Variants in DDX60 observed in about 807,000 individuals in gnomAD.
DDX60 encodes DExD/H-box helicase 60.
In DDX60, 165 loss-of-function variants were observed where a neutral mutation model predicts 212.8. That is an observed-to-expected ratio of 0.78 (90% CI 0.68 to 0.88). The LOEUF is 0.88. Ranked by LOEUF, DDX60 falls within the 40% of genes least tolerant of loss-of-function variation. The probability of loss-of-function intolerance (pLI) is 0.00; values close to 1 mark genes in which losing one functional copy is unlikely to be tolerated. For missense variants in DDX60, 1,905 were observed against 2,003.9 expected (o/e 0.95, Z 0.94); for synonymous variants, 703 against 685.3 (o/e 1.03, Z -0.40).
chr4:168,235,075 C>G (rs1176641942), intron 33 of DDX60, among the ~76,000 whole-genome samples: 1 of 152,106 alleles, frequency 6.6e-6, no homozygotes, highest in Admixed American at 6.6e-5. Flanking sequence ...TCGAAAATGT[C>G]TTGAGGGGGA....
chr4:168,237,431 A>T lies in DDX60; in HGVS notation c.4270-4T>A. On this transcript the variant is annotated splice_polypyrimidine_tract_variant and splice_region_variant and intron_variant, in intron 31 of 37. Coordinates refer to ENST00000393743, the MANE Select transcript of DDX60 (RefSeq NM_017631.6). ...TACCTTCTTGATCTAAATAGCCCTA[A>T]AGAACAAAAAACAATTTATTAGTTT... The T allele has an allele frequency of 6.4e-7, 1 of 1,554,928 alleles. No homozygotes were observed. Among genetic ancestry groups the T allele is most frequent in the Non-Finnish European group, 8.6e-7 (1 of 1,156,560 alleles).
At position 168,235,452 on chromosome 4, in the gene DDX60, A is replaced by C. The variant is rs555711784; in HGVS notation, c.4533+800T>G. 1.2e-4 allele frequency among the ~76,000 whole-genome samples: 19 copies of C among 152,254 alleles called. No individual in the cohort carries two copies. The East Asian group carries it at 3.7e-3, about 29-fold the overall frequency. ...TTAAATATAAATTTATATAAACAGA[A>C]CAATTAAATAATTGTTTCAAAAATG... On this transcript the variant is annotated intron_variant, in intron 33 of 37. Transcript: ENST00000393743.
rs1735212911 is a variant in DDX60 at position 168,273,926 on chromosome 4, A to C, written c.2454+8T>G. ...TGAAAGAGAATATTATAGTCACTTGAGCACTACCTTTGTGGGTGCAACGTA... is the reference window on the plus strand; with the variant it reads ...TGAAAGAGAATATTATAGTCACTTGCGCACTACCTTTGTGGGTGCAACGTA... On this transcript the variant is annotated splice_region_variant and intron_variant, in intron 17 of 37. Coordinates refer to ENST00000393743, the MANE Select transcript of DDX60 (RefSeq NM_017631.6). 1 of 1,612,390 alleles carries C rather than the reference A, an allele frequency of 6.2e-7. No individual in the cohort carries two copies. Among genetic ancestry groups the C allele is most frequent in the East Asian group, 2.2e-5 (1 of 44,878 alleles).
At chr4:168,245,986 C>T (rs1246739207) in intron 30 of DDX60, among the ~76,000 whole-genome samples, 1 of 152,076 alleles carries the variant, frequency 6.6e-6, no homozygotes, top group Admixed American at 6.6e-5. Context: ...CAACGTTCTA[C>T]ATTTCCCACA....
chr4:168,257,633 T>G (rs1673462483), intron 25 of DDX60, among the ~76,000 whole-genome samples: 1 of 152,180 alleles, frequency 6.6e-6, no homozygotes, highest in African/African-American at 2.4e-5. Context: ...GCACTTCATT[T>G]TTAAAAAACT....
In DDX60 at chr4:168,287,522, C is replaced by T. The variant is rs1735912692; in HGVS notation, c.1184-319G>A. On this transcript the variant is annotated intron_variant, in intron 9 of 37. Transcript: ENST00000393743. Reference sequence around the variant, plus strand: ...ATGCCACACATAACTTTACAACAAACAAAACAGAATAAAAACTTTAGTTTT... The same window carrying T: ...ATGCCACACATAACTTTACAACAAATAAAACAGAATAAAAACTTTAGTTTT... Among the ~76,000 whole-genome samples the T allele has an allele frequency of 1.3e-5, 2 of 152,044 alleles. 1 individual carries two copies. The highest frequency in any genetic ancestry group is 1.3e-4 in the Admixed American group (2 of 15,264).
At chr4:168,220,601 A>T in intron 37 of DDX60, 54 bp downstream of exon 37, 1 of 1,055,480 alleles carries the variant, frequency 9.5e-7, no homozygotes, top group Non-Finnish European at 1.3e-6. Flanking sequence ...CATTTTTCAA[A>T]TTATAAATAA....
At chr4:168,290,329 T>C (rs1736034039) in intron 8 of DDX60, among the ~76,000 whole-genome samples, 1 of 59,956 alleles carries the variant, frequency 1.7e-5, no homozygotes, top group Non-Finnish European at 3.1e-5. Flanking sequence ...TTTTCTTTTC[T>C]TTTTTTTTTT....
chr4:168,224,907 G>A (rs1417661023), intron 34 of DDX60, among the ~76,000 whole-genome samples: 2 of 151,878 alleles, frequency 1.3e-5, no homozygotes, highest in East Asian at 1.9e-4. Context: ...ACCTGTGATG[G>A]TCACCTTTTT....
At position 168,311,269 on chromosome 4, in the gene DDX60, T is replaced by G. The variant is rs762146862; in HGVS notation, c.-10A>C. The G allele has an allele frequency of 3.1e-6, 5 of 1,612,610 alleles. No homozygotes were observed. In the East Asian group the frequency reaches 1.1e-4, roughly 36 times the overall value. On this transcript the variant is annotated 5_prime_UTR_variant, in exon 2 of 38. Coordinates refer to ENST00000393743, the MANE Select transcript of DDX60 (RefSeq NM_017631.6). ...GTGGAAAATTACCCATTCTTGCTGCTGCCTGTGCCTCCAACCTGAACTGGC... is the reference window on the plus strand; with the variant it reads ...GTGGAAAATTACCCATTCTTGCTGCGGCCTGTGCCTCCAACCTGAACTGGC...
chr4:168,233,987 A>G (rs1733545892), intron 33 of DDX60, among the ~76,000 whole-genome samples: 1 of 152,134 alleles, frequency 6.6e-6, no homozygotes. Flanking sequence ...ATATGTATAT[A>G]TCAATGATTG....
At chr4:168,294,799 G>A (rs1736270180) in intron 6 of DDX60, among the ~76,000 whole-genome samples, 1 of 152,062 alleles carries the variant, frequency 6.6e-6, no homozygotes, top group African/African-American at 2.4e-5. Context: ...ACCGCGCCCA[G>A]CCAAACTATA....
At chr4:168,262,612 A>G in intron 23 of DDX60, 71 bp downstream of exon 23, 1 of 1,011,076 alleles carries the variant, frequency 9.9e-7, no homozygotes, top group African/African-American at 1.7e-5. Context: ...GATGCCAGTG[A>G]TTAGAAAGGG....
intron 19 of DDX60, among the ~76,000 whole-genome samples, chr4:168,269,635 A>G (rs1469442041): frequency 1.3e-5 from 2 of 152,098 alleles, no homozygotes; most frequent in Non-Finnish European, 2.9e-5. Flanking sequence ...AACTATATCA[A>G]GTCATGTCAC....
intron 15 of DDX60, 130 bp from the exon 16 acceptor site, chr4:168,275,633 A>C: frequency 1.3e-6 from 1 of 791,052 alleles, no homozygotes; most frequent in Non-Finnish European, 1.8e-6. Flanking sequence ...TAAATTTTTT[A>C]AATCATTGTC....
Position 168,225,568 on chromosome 4 carries a change from C to G in DDX60, c.4642G>C (p.Asp1548His). 1 of 1,610,864 alleles carries G rather than the reference C, an allele frequency of 6.2e-7. No homozygotes were observed. Among genetic ancestry groups the G allele is most frequent in the East Asian group, 2.2e-5 (1 of 44,588 alleles). ...TFLRIVSKLADMNQEYQLPLS... is the reference protein window; with the variant it reads ...TFLRIVSKLAHMNQEYQLPLS... ...GGGAGTTGATATTCCTGATTCATAT[C>G]AGCCAGTTTGGAAACAATTCGTAGG... Residue 1548 changes from aspartate (D) to histidine (H), a missense_variant, in exon 34 of 38, where the codon GAT becomes CAT. Coordinates refer to ENST00000393743, the MANE Select transcript of DDX60 (RefSeq NM_017631.6).
In DDX60 at chr4:168,260,986, T is replaced by C. The variant is rs374484826; in HGVS notation, c.3277A>G (p.Arg1093Gly). 6.2e-6 allele frequency: 10 copies of C among 1,606,286 alleles called. No homozygotes were observed. Among genetic ancestry groups the C allele is most frequent in the Non-Finnish European group, 8.5e-6 (10 of 1,178,048 alleles). Residue 1093 changes from arginine (R) to glycine (G), a missense_variant, in exon 25 of 38, where the codon AGA (arginine) becomes GGA (glycine). By Grantham distance (125) the Arg-to-Gly change is moderately radical (BLOSUM62 -2). Coordinates refer to ENST00000393743, the MANE Select transcript of DDX60 (RefSeq NM_017631.6). Reference sequence around the variant, plus strand: ...GGACTAAGATTCTGAAGTACCATTCTGGCCTGTAGTGGTGAATACAAAACA... The same window carrying C: ...GGACTAAGATTCTGAAGTACCATTCCGGCCTGTAGTGGTGAATACAAAACA... ...WIKNGNVEQARMVLQNLSPEA... is the reference protein window; with the variant it reads ...WIKNGNVEQAGMVLQNLSPEA...
chr4:168,264,913 T>C (rs1734777246), intron 22 of DDX60, among the ~76,000 whole-genome samples: 1 of 152,220 alleles, frequency 6.6e-6, no homozygotes, highest in Admixed American at 6.5e-5. Context: ...TACCATTCTT[T>C]ATTTATAAAC....
chr4:168,251,108 TA>T lies in DDX60; in HGVS notation c.3706-3del, dbSNP rs1356155050. On this transcript the variant is annotated splice_polypyrimidine_tract_variant and splice_region_variant and intron_variant, in intron 27 of 37. Transcript: ENST00000393743. ...TCGACCAAATACCTTCTGCAAAGTC[TA>T]AAAGAAGCAAGACATTTAGGGATTA... is the stretch of plus-strand genomic sequence containing the variant. 5 of 1,605,328 alleles carry T rather than the reference TA, an allele frequency of 3.1e-6. No individual in the cohort carries two copies. The highest frequency in any genetic ancestry group is 4.2e-6 in the Non-Finnish European group (5 of 1,177,898).
Sources: gnomAD v4.1 joint callset for allele counts (sites outside exome capture counted in the v4.1 genomes callset) on GRCh38, gnomAD v4.1.1 for gene constraint, MANE v1.5 for transcripts, NCBI Gene and HGNC (gene_info 2026-07-23, HGNC 2026-07-21) for gene names.